Variants in STK32B observed in about 807,000 individuals in gnomAD.
The protein encoded by STK32B is serine/threonine-protein kinase 32B.
In STK32B, 43 loss-of-function variants were observed where a neutral mutation model predicts 52.6. That is an observed-to-expected ratio of 0.82 (90% confidence interval 0.64 to 1.05). The LOEUF is 1.05. Ranked by LOEUF, STK32B falls within the 50% of genes least tolerant of loss-of-function variation. The pLI is 0.00. For synonymous variants in STK32B, 238 were observed against 204.3 expected, an observed-to-expected ratio of 1.17 and a Z score of -1.41; for missense variants, 621 against 534.6, an observed-to-expected ratio of 1.16 and a Z score of -1.59.
intron 3 of STK32B, among the ~76,000 whole-genome samples, chr4:5,267,732 C>T (rs1196464409): frequency 1.3e-5 from 2 of 152,034 alleles, no homozygotes; most frequent in Admixed American, 6.6e-5. Context: ...CCCGAGAGTG[C>T]GGGGGAAGGA....
intron 3 of STK32B, among the ~76,000 whole-genome samples, chr4:5,176,398 T>G (rs1719899831): frequency 6.6e-6 from 1 of 150,912 alleles, no homozygotes. Context: ...TTGCTTACAT[T>G]GGGAGCTGTA....
chr4:5,430,177 G>T (rs1713451541), intron 6 of STK32B, among the ~76,000 whole-genome samples: 3 of 152,054 alleles, frequency 2.0e-5, no homozygotes, highest in African/African-American at 7.2e-5. Flanking sequence ...ATATATTTTT[G>T]ACCCATTCTC....
rs16837116 is a variant in STK32B, at chr4:5,395,648, C to T, written c.435-2559C>T. Among the ~76,000 whole-genome samples the T allele has an allele frequency of 0.035, 5,363 of 152,226 alleles. 147 individuals are homozygous for T. Among genetic ancestry groups the T allele is most frequent in the East Asian group, 0.084 (433 of 5,160 alleles). On this transcript the variant is annotated intron_variant, in intron 4 of 11. Transcript: ENST00000282908. This position sits in a 1 kb window ranked among gnomAD's most constrained non-coding sequence, Gnocchi z 4.4. ...TTGTTCACGACGTGTCCTTCATGAC[C>T]GCAAAGGGGACACCCCCGTAAATGC...
At chr4:5,104,988 A>G (rs554118220) in intron 1 of STK32B, among the ~76,000 whole-genome samples, 14 of 152,340 alleles carry the variant, frequency 9.2e-5, no homozygotes, top group African/African-American at 3.1e-4. Flanking sequence ...TTTCTAGGTC[A>G]TAGAGTATGC....
At chr4:5,135,833 A>G (rs781155836) in intron 1 of STK32B, among the ~76,000 whole-genome samples, 14 of 152,136 alleles carry the variant, frequency 9.2e-5, no homozygotes, top group African/African-American at 2.9e-4. Context: ...AAATGTCTCC[A>G]TCTCATTGAT....
At chr4:5,441,658 T>G (rs1412325237) in intron 6 of STK32B, among the ~76,000 whole-genome samples, 1 of 152,150 alleles carries the variant, frequency 6.6e-6, no homozygotes, top group Non-Finnish European at 1.5e-5. Context: ...TTTGAATGTG[T>G]TTGCTCTTGC....
chr4:5,369,068 C>T (rs1735064359), intron 4 of STK32B, among the ~76,000 whole-genome samples: 1 of 152,024 alleles, frequency 6.6e-6, no homozygotes, highest in African/African-American at 2.4e-5. Flanking sequence ...TGACTGGGTC[C>T]TAGCCAATGA....
intron 1 of STK32B, among the ~76,000 whole-genome samples, chr4:5,135,889 C>T (rs961542547): frequency 2.0e-5 from 3 of 152,214 alleles, no homozygotes; most frequent in Admixed American, 6.5e-5. Context: ...CTGCTGGCTG[C>T]ACAGTGGCTG....
the STK32B span, among the ~76,000 whole-genome samples, chr4:5,031,778 C>G: frequency 6.6e-6 from 1 of 152,108 alleles, no homozygotes; most frequent in Non-Finnish European, 1.5e-5. Context: ...CCTGTGATAT[C>G]AAGAAGGTGC....
At chr4:5,445,364 T>C (rs1715298234) in intron 6 of STK32B, among the ~76,000 whole-genome samples, 1 of 152,132 alleles carries the variant, frequency 6.6e-6, no homozygotes, top group Non-Finnish European at 1.5e-5. Context: ...AGTATGTGGC[T>C]CCCCGGGGCA....
At chr4:5,345,626 A>G (rs1029396830) in intron 4 of STK32B, among the ~76,000 whole-genome samples, 1 of 152,216 alleles carries the variant, frequency 6.6e-6, no homozygotes. Flanking sequence ...TTTACAGGTG[A>G]GACCACAGTG....
chr4:5,139,663 A>C (rs1560172028), intron 1 of STK32B: 1 of 526,270 alleles, frequency 1.9e-6, no homozygotes, highest in Non-Finnish European at 3.4e-6. Flanking sequence ...AAGACTGCAG[A>C]GCCTCATCAA....
At chr4:5,319,228 C>G (rs149811626) in intron 3 of STK32B, among the ~76,000 whole-genome samples, 9 of 152,160 alleles carry the variant, frequency 5.9e-5, no homozygotes, top group African/African-American at 2.2e-4. Context: ...TCCTGTATGA[C>G]TAATGAGGAT....
At chr4:5,140,173 G>A in intron 2 of STK32B, 1 of 1,476,574 alleles carries the variant, frequency 6.8e-7, no homozygotes, top group Non-Finnish European at 9.1e-7. Context: ...TGGTTTAGGT[G>A]AATTACAATG....
intron 11 of STK32B, among the ~76,000 whole-genome samples, chr4:5,490,371 T>C (rs1473600474): frequency 6.6e-6 from 1 of 152,002 alleles, no homozygotes; most frequent in Admixed American, 6.6e-5. Flanking sequence ...CCTCCCAAAG[T>C]GCTGGGATTA....
chr4:5,244,842 G>C (rs1178380034), intron 3 of STK32B, among the ~76,000 whole-genome samples: 3 of 152,228 alleles, frequency 2.0e-5, no homozygotes. Flanking sequence ...GTACCCAGTA[G>C]TCATTCAGGA....
chr4:5,313,720 A>G (rs112830074), intron 3 of STK32B, among the ~76,000 whole-genome samples: 17 of 152,324 alleles, frequency 1.1e-4, no homozygotes, highest in African/African-American at 3.6e-4. Context: ...CATAAAGATC[A>G]ACCTAGAACT....
In STK32B at chr4:5,416,430, G is replaced by A. The variant is rs114511078; in HGVS notation, c.473-415G>A. Among the ~76,000 whole-genome samples, 758 of 152,144 alleles carry A rather than the reference G, an allele frequency of 5.0e-3. 7 individuals are homozygous for A. The highest frequency in any genetic ancestry group is 0.018 in the African/African-American group (727 of 41,504). On this transcript the variant is annotated intron_variant, in intron 5 of 11. Coordinates refer to ENST00000282908, the MANE Select transcript of STK32B (RefSeq NM_018401.3). Reference sequence around the variant, plus strand: ...TACTAAGGTCTCCAATGACCATAGCGGACAAACAGCAGAACAAACAGTGTC... The same window carrying A: ...TACTAAGGTCTCCAATGACCATAGCAGACAAACAGCAGAACAAACAGTGTC...
intron 11 of STK32B, among the ~76,000 whole-genome samples, chr4:5,493,190 C>G (rs1489380181): frequency 6.6e-6 from 1 of 152,072 alleles, no homozygotes; most frequent in African/African-American, 2.4e-5. Context: ...TAGAATTCGG[C>G]TGTGAATCCA....
Sources: allele counts gnomAD v4.1 joint callset (sites outside exome capture counted in the v4.1 genomes callset), GRCh38; gene constraint gnomAD v4.1.1; non-coding constraint Gnocchi (gnomAD v3.1); transcripts MANE v1.5; gene names NCBI Gene and HGNC (gene_info 2026-07-23, HGNC 2026-07-21).